The following PIP5K1A variants were observed in gnomAD, a reference collection of about 807,000 sequenced individuals.
PIP5K1A encodes phosphatidylinositol 4-phosphate 5-kinase type-1 alpha.
PIP5K1A carries 46 observed loss-of-function variants against 72.9 expected under a neutral mutation model. That is an observed-to-expected ratio of 0.63 (90% CI 0.50 to 0.81). The LOEUF (loss-of-function observed/expected upper bound fraction) is 0.81. PIP5K1A is among the 30% of genes least tolerant of loss of function. The pLI is 0.00. For synonymous variants in PIP5K1A, 228 were observed against 255.1 expected (o/e 0.89, Z 1.01); for missense variants, 458 against 706.1 (o/e 0.65, Z 3.98).
chr1:151,244,606 A>T (rs1692226199), intron 14 of PIP5K1A, among the ~76,000 whole-genome samples: 1 of 152,254 alleles, frequency 6.6e-6, no homozygotes, highest in African/African-American at 2.4e-5. Context: ...CAGTGAGCCG[A>T]AATCGCGCCA....
intron 1 of PIP5K1A, among the ~76,000 whole-genome samples, chr1:151,206,493 G>T (rs1252261527): frequency 6.6e-6 from 1 of 152,170 alleles, no homozygotes; most frequent in Admixed American, 6.6e-5. Context: ...GAGGGAATGA[G>T]AAGAGGGTTT....
chr1:151,202,365 G>T (rs1384049878), intron 1 of PIP5K1A, among the ~76,000 whole-genome samples: 1 of 152,206 alleles, frequency 6.6e-6, no homozygotes, highest in Non-Finnish European at 1.5e-5. Context: ...CAGCCTTCTA[G>T]CCTTTAACAA....
intron 1 of PIP5K1A, among the ~76,000 whole-genome samples, chr1:151,214,925 C>T (rs1481244519): frequency 6.7e-6 from 1 of 149,384 alleles, no homozygotes; most frequent in African/African-American, 2.5e-5. Context: ...ACCATGTTGC[C>T]CAGGCTGGTC....
intron 7 of PIP5K1A, among the ~76,000 whole-genome samples, chr1:151,233,032 G>A (rs369891613): frequency 2.3e-4 from 33 of 145,154 alleles, no homozygotes; most frequent in African/African-American, 7.6e-4. Flanking sequence ...TCTGGGAGGC[G>A]AAGTTTGCAG....
intron 1 of PIP5K1A, among the ~76,000 whole-genome samples, chr1:151,222,833 C>A (rs1688569417): frequency 6.6e-6 from 1 of 152,112 alleles, no homozygotes; most frequent in South Asian, 2.1e-4. Context: ...TTGACAGGAA[C>A]CGTGTTCTTT....
rs758656460 is a variant in PIP5K1A, at chr1:151,232,585, G to A, written c.521G>A (p.Cys174Tyr). Reference sequence around the variant, plus strand: ...TGCAGTGAGCCGCTGATTGAACTCTGTAGCTCTGGAGCTAGTGGTTCCCTA... The same window carrying A: ...TGCAGTGAGCCGCTGATTGAACTCTATAGCTCTGGAGCTAGTGGTTCCCTA... ...SLCSEPLIEL[C>Y]SSGASGSLFY... Residue 174 changes from cysteine (C) to tyrosine (Y), a missense_variant, in exon 7 of 16, where the codon TGT becomes TAT. Around this residue, in one of 3 missense-constraint regions of PIP5K1A, gnomAD observed 220 missense variants for 442.6 expected, o/e 0.50. Transcript: ENST00000368888. The A allele has an allele frequency of 1.2e-6, 2 of 1,609,404 alleles. No individual in the cohort carries two copies. The highest frequency in any genetic ancestry group is 1.7e-5 in the Admixed American group (1 of 57,924).
intron 11 of PIP5K1A, among the ~76,000 whole-genome samples, chr1:151,239,403 G>GGTGGGACCACAGGCGC (rs1691347408): frequency 6.6e-6 from 1 of 151,740 alleles, no homozygotes; most frequent in Non-Finnish European, 1.5e-5. Context: ...TTCCCGAGTA[G>GGTGGGACCACAGGCGC]GTGGGACCAC....
At chr1:151,197,925 A>T (rs1421002335), upstream of PIP5K1A, 1 of 389,766 alleles carries the variant, frequency 2.6e-6, no homozygotes, top group Non-Finnish European at 5.3e-6. Context: ...CAGATAATTG[A>T]CAGTTGGAGG....
At chr1:151,227,227 G>A (rs1689284405) in intron 3 of PIP5K1A, 93 bp from the exon 4 acceptor site, 7 of 742,532 alleles carry the variant, frequency 9.4e-6, no homozygotes, top group Middle Eastern at 2.4e-4. Context: ...GAAAGAATAT[G>A]TTGTTTCAGT....
intron 1 of PIP5K1A, among the ~76,000 whole-genome samples, chr1:151,214,462 C>T (rs763928949): frequency 6.6e-6 from 1 of 151,952 alleles, no homozygotes; most frequent in Non-Finnish European, 1.5e-5. Context: ...CTCACTGCTG[C>T]CTCTGCCACC....
chr1:151,242,378 T>C, intron 13 of PIP5K1A, 60 bp from the exon 14 acceptor site: 2 of 1,605,868 alleles, frequency 1.2e-6, no homozygotes, highest in Non-Finnish European at 1.7e-6. Context: ...CCAGGAAGCC[T>C]AGCTGCTACA....
rs186269431 is a variant in PIP5K1A at position 151,211,742 on chromosome 1, C to T, written c.86-12503C>T. 5.7e-4 allele frequency among the ~76,000 whole-genome samples: 85 copies of T among 150,384 alleles called. No individual in the cohort carries two copies. The East Asian group carries it at 0.014, about 25-fold the overall frequency. On this transcript the variant is annotated intron_variant, in intron 1 of 15. Transcript: ENST00000368888. ...AATGGCATGAACCCGGGAGGCGGAG[C>T]TTGCAGTGAGCCAAGATCGTGCCAC...
chr1:151,199,000 G>T lies in PIP5K1A; in HGVS notation c.4G>T (p.Ala2Ser), dbSNP rs1684808000. 6.2e-7 allele frequency: 1 copy of T among 1,613,850 alleles called. No individual in the cohort carries two copies. Reference sequence around the variant, plus strand: ...TGAGGGGGAGGGGGCTGCTAAGATGGCGTCGGCCTCCTCCGGGCCGTCGTC... The same window carrying T: ...TGAGGGGGAGGGGGCTGCTAAGATGTCGTCGGCCTCCTCCGGGCCGTCGTC... M[A>S]SASSGPSSSV... Residue 2 changes from alanine to serine, a missense_variant, in exon 1 of 16, where the codon GCG (alanine) becomes TCG (serine). Transcript: ENST00000368888.
intron 1 of PIP5K1A, among the ~76,000 whole-genome samples, chr1:151,205,556 C>A (rs1685813993): frequency 1.3e-5 from 2 of 151,914 alleles, no homozygotes; most frequent in South Asian, 4.2e-4. Flanking sequence ...CCTGTAATGC[C>A]AGCACTTTGG....
At chr1:151,246,821 G>A (rs1003986561) in intron 14 of PIP5K1A, 99 bp from the exon 15 acceptor site, 3 of 827,956 alleles carry the variant, frequency 3.6e-6, no homozygotes, top group African/African-American at 3.4e-5. Flanking sequence ...TGATTCCAAA[G>A]TGAAAATTAG....
At chr1:151,244,878 T>G (rs1244321831) in intron 14 of PIP5K1A, among the ~76,000 whole-genome samples, 1 of 152,124 alleles carries the variant, frequency 6.6e-6, no homozygotes, top group East Asian at 1.9e-4. Context: ...TATGTTTGCC[T>G]TCATCTTTAG....
At chr1:151,244,547 T>A (rs1692217095) in intron 14 of PIP5K1A, among the ~76,000 whole-genome samples, 2 of 152,110 alleles carry the variant, frequency 1.3e-5, no homozygotes, top group Admixed American at 1.3e-4. Flanking sequence ...TCCAAGTTAC[T>A]CAGGAGGCTG....
At position 151,231,712 on chromosome 1, in the gene PIP5K1A, T is replaced by G; in HGVS notation, c.279T>G (p.Ile93Met). The stretch of plus-strand genomic sequence containing the variant: ...TGAAAGGTGCCATCCAGTTAGGCAT[T>G]ACCCACACTGTGGGGAGCCTGAGTA... ...SALKGAIQLG[I>M]THTVGSLSTK... The change falls in exon 5 of 16, where the codon ATT (isoleucine) becomes ATG (methionine). Residue 93 changes from isoleucine (I) to methionine (M), a missense_variant. Physicochemically the swap from Ile to Met is conservative, Grantham distance 10. Coordinates refer to ENST00000368888, the MANE Select transcript of PIP5K1A (RefSeq NM_001135638.2). The G allele has an allele frequency of 6.2e-7, 1 of 1,613,654 alleles. No individual in the cohort carries two copies. The highest frequency in any genetic ancestry group is 8.5e-7 in the Non-Finnish European group (1 of 1,179,546).
chr1:151,236,867 T>A, intron 9 of PIP5K1A, 104 bp downstream of exon 9: 1 of 737,214 alleles, frequency 1.4e-6, no homozygotes, highest in Middle Eastern at 3.9e-4. Flanking sequence ...TTGCCCAGGC[T>A]GATGTGCTGA....
Sources: allele counts gnomAD v4.1 joint callset (sites outside exome capture counted in the v4.1 genomes callset), GRCh38; gene constraint gnomAD v4.1.1; regional missense constraint gnomAD v4.1.1; transcripts MANE v1.5; gene names NCBI Gene and HGNC (gene_info 2026-07-23, HGNC 2026-07-21).